Variants in ARHGAP26 observed in about 807,000 individuals in gnomAD.
ARHGAP26 encodes the protein rho GTPase-activating protein 26.
In ARHGAP26, 38 loss-of-function variants were observed where a neutral mutation model predicts 104.8. That is an observed-to-expected ratio of 0.36 (90% CI 0.28 to 0.48). The LOEUF is 0.48. ARHGAP26 is among the 20% of genes least tolerant of loss of function. ARHGAP26 has a pLI of 0.99. For missense variants in ARHGAP26, 704 were observed against 947.9 expected (o/e 0.74, Z 3.38); for synonymous variants, 341 against 340.0 (o/e 1.00, Z -0.03).
At position 142,811,491 on chromosome 5, in the gene ARHGAP26, G is replaced by A. The variant is rs113837276; in HGVS notation, c.154+40576G>A. Among the ~76,000 whole-genome samples, 145 of 152,300 alleles carry A rather than the reference G, an allele frequency of 9.5e-4. 1 individual carries two copies. Among genetic ancestry groups the A allele is most frequent in the African/African-American group, 3.2e-3 (135 of 41,568 alleles). Reference sequence around the variant, plus strand: ...CTGGCCTGTCCGTCACGTGTAGTTGGTAAGTACCTTATCTTTTTCATGTAT... The same window carrying A: ...CTGGCCTGTCCGTCACGTGTAGTTGATAAGTACCTTATCTTTTTCATGTAT... On this transcript the variant is annotated intron_variant, in intron 1 of 22. Coordinates refer to ENST00000645722, the MANE Select transcript of ARHGAP26 (RefSeq NM_001135608.3).
intron 6 of ARHGAP26, among the ~76,000 whole-genome samples, chr5:142,900,191 C>A (rs1387335010): frequency 6.6e-6 from 1 of 152,158 alleles, no homozygotes; most frequent in Non-Finnish European, 1.5e-5. Context: ...TTATTGGAGC[C>A]ATCTAAAAGG....
intron 3 of ARHGAP26, among the ~76,000 whole-genome samples, chr5:142,879,167 G>A (rs1756565306): frequency 1.3e-5 from 2 of 152,112 alleles, no homozygotes; most frequent in South Asian, 4.1e-4. Flanking sequence ...AATCATGCAT[G>A]GGAGGAAGAT....
chr5:142,852,606 G>A lies in ARHGAP26; in HGVS notation c.155-20794G>A, dbSNP rs143553624. ...CTGTTCACATCTCACATGCATTCTC[G>A]CATGTTGATGCATTTTGGCTGCTTG... On this transcript the variant is annotated intron_variant, in intron 1 of 22. Transcript: ENST00000645722. Among the ~76,000 whole-genome samples the A allele has an allele frequency of 5.7e-3, 863 of 152,236 alleles. 4 individuals carry two copies. The highest frequency in any genetic ancestry group is 0.014 in the Middle Eastern group (4 of 294).
intron 1 of ARHGAP26, among the ~76,000 whole-genome samples, chr5:142,798,353 G>A (rs907897768): frequency 1.3e-5 from 2 of 152,086 alleles, no homozygotes; most frequent in African/African-American, 4.8e-5. Context: ...GCATTCCTCC[G>A]CTTCCCTTCA....
chr5:143,195,082 G>A (rs988953243), intron 20 of ARHGAP26, among the ~76,000 whole-genome samples: 4 of 152,202 alleles, frequency 2.6e-5, no homozygotes, highest in African/African-American at 9.7e-5. Context: ...CTACTCGCTT[G>A]GAGGGAAAGA....
At chr5:143,037,307 A>C (rs776431435) in intron 13 of ARHGAP26, 46 bp downstream of exon 13, 1 of 1,508,686 alleles carries the variant, frequency 6.6e-7, no homozygotes, top group Non-Finnish European at 9.1e-7. Context: ...AAGGTCACGC[A>C]TCTGGTGAGG....
chr5:142,919,905 G>T (rs1028355451), intron 10 of ARHGAP26, among the ~76,000 whole-genome samples: 2 of 152,144 alleles, frequency 1.3e-5, no homozygotes, highest in Non-Finnish European at 2.9e-5. Flanking sequence ...GGAGGCTGAG[G>T]CAGAAGAATT....
chr5:143,070,188 CTTGCCATT>C (rs1445561753), intron 17 of ARHGAP26, among the ~76,000 whole-genome samples: 3 of 152,176 alleles, frequency 2.0e-5, no homozygotes, highest in Non-Finnish European at 1.5e-5. Context: ...AAAAGATAAT[CTTGCCATT>C]TTGCTACTTT....
At chr5:142,891,214 C>G (rs528636002) in intron 5 of ARHGAP26, among the ~76,000 whole-genome samples, 2 of 152,074 alleles carry the variant, frequency 1.3e-5, no homozygotes, top group East Asian at 3.9e-4. Flanking sequence ...CCACACGATG[C>G]AGGGGGTGGT....
At chr5:143,115,594 T>C (rs942034173) in intron 17 of ARHGAP26, among the ~76,000 whole-genome samples, 6 of 151,942 alleles carry the variant, frequency 3.9e-5, no homozygotes, top group Non-Finnish European at 8.8e-5. Flanking sequence ...TGGCTTTAAA[T>C]TGGCAGTTGC....
chr5:143,082,358 C>T (rs1205417223), intron 17 of ARHGAP26, among the ~76,000 whole-genome samples: 1 of 152,202 alleles, frequency 6.6e-6, no homozygotes, highest in African/African-American at 2.4e-5. Flanking sequence ...GAAAGAAATG[C>T]TCTCATCACT....
chr5:142,986,677 T>C (rs1013607947), intron 11 of ARHGAP26, among the ~76,000 whole-genome samples: 5 of 152,230 alleles, frequency 3.3e-5, no homozygotes, highest in African/African-American at 9.6e-5. Context: ...GAATTAATGT[T>C]TGTATAAGGT....
intron 18 of ARHGAP26, among the ~76,000 whole-genome samples, chr5:143,131,997 C>G (rs1797411404): frequency 1.3e-5 from 2 of 152,146 alleles, no homozygotes; most frequent in Non-Finnish European, 2.9e-5. Flanking sequence ...GGGGTTCCAG[C>G]TGCTCGGGAA....
chr5:142,987,049 G>C (rs192392476), intron 11 of ARHGAP26, among the ~76,000 whole-genome samples: 3 of 152,152 alleles, frequency 2.0e-5, no homozygotes, highest in African/African-American at 4.8e-5. Context: ...GAAAGTCATT[G>C]GTGGGGATGG....
intron 1 of ARHGAP26, among the ~76,000 whole-genome samples, chr5:142,794,379 G>C (rs1184231187): frequency 6.6e-6 from 1 of 152,174 alleles, no homozygotes; most frequent in African/African-American, 2.4e-5. Context: ...ACAGAAGGAG[G>C]GGGGACAGAG....
At chr5:142,783,733 ACTGG>A (rs1757983040) in intron 1 of ARHGAP26, among the ~76,000 whole-genome samples, 1 of 152,222 alleles carries the variant, frequency 6.6e-6, no homozygotes, top group African/African-American at 2.4e-5. Flanking sequence ...GGGCTGGATG[ACTGG>A]GCAGACCACA....
chr5:142,774,333 A>G lies in ARHGAP26; in HGVS notation c.154+3418A>G, dbSNP rs112151160. 8.4e-3 allele frequency among the ~76,000 whole-genome samples: 1,284 copies of G among 152,274 alleles called. 7 individuals are homozygous for G. The highest frequency in any genetic ancestry group is 0.012 in the Non-Finnish European group (798 of 68,012). On this transcript the variant is annotated intron_variant, in intron 1 of 22. Coordinates refer to ENST00000645722, the MANE Select transcript of ARHGAP26 (RefSeq NM_001135608.3). The stretch of plus-strand genomic sequence containing the variant: ...ATTCTGTGTTCTTAGTTGGACTGAA[A>G]AAATTTGCATCCAGTCTGTAGTTCT...
At chr5:143,067,614 A>G (rs1006452963) in intron 17 of ARHGAP26, among the ~76,000 whole-genome samples, 6 of 152,056 alleles carry the variant, frequency 3.9e-5, no homozygotes, top group African/African-American at 9.7e-5. Flanking sequence ...CGTGTTTCCA[A>G]TTTGGTATTA....
At chr5:142,796,984 G>A (rs112492540) in intron 1 of ARHGAP26, among the ~76,000 whole-genome samples, 5,603 of 152,294 alleles carry the variant, frequency 0.037, 233 homozygotes, top group African/African-American at 0.099. Context: ...AAACTGACTA[G>A]CCTGGTTGGC....
Sources: gnomAD v4.1 joint callset for allele counts (sites outside exome capture counted in the v4.1 genomes callset) on GRCh38, gnomAD v4.1.1 for gene constraint, MANE v1.5 for transcripts, NCBI Gene and HGNC (gene_info 2026-07-23, HGNC 2026-07-21) for gene names.